The following FBXW11 variants were observed in gnomAD, a reference collection of about 807,000 sequenced individuals.
FBXW11 encodes F-box/WD repeat-containing protein 11.
FBXW11 carries 19 observed loss-of-function variants against 77.6 expected under a neutral mutation model. That is an observed-to-expected ratio of 0.24 (90% CI 0.17 to 0.36). The LOEUF (loss-of-function observed/expected upper bound fraction) is 0.36. Ranked by LOEUF, FBXW11 falls within the 10% of genes least tolerant of loss-of-function variation. FBXW11 has a pLI of 1.00. For synonymous variants in FBXW11, 235 were observed against 249.4 expected (o/e 0.94, Z 0.54); for missense variants, 334 against 704.2 (o/e 0.47, Z 5.95).
chr5:171,919,181 T>C (rs1335377751), intron 2 of FBXW11, among the ~76,000 whole-genome samples: 2 of 152,150 alleles, frequency 1.3e-5, no homozygotes, highest in South Asian at 2.1e-4. Flanking sequence ...TAGAGGTCCA[T>C]GGACTTGGGG....
intron 1 of FBXW11, among the ~76,000 whole-genome samples, chr5:171,972,737 GT>G (rs1687096874): frequency 6.6e-6 from 1 of 152,030 alleles, no homozygotes; most frequent in African/African-American, 2.4e-5. Flanking sequence ...TAGAGATGGG[GT>G]TTCCCCATGT....
intron 4 of FBXW11, among the ~76,000 whole-genome samples, chr5:171,909,929 A>G (rs892608643): frequency 6.6e-6 from 1 of 152,212 alleles, no homozygotes; most frequent in Non-Finnish European, 1.5e-5. Context: ...GTTTGAAGGG[A>G]AAAGAGTACC....
intron 4 of FBXW11, among the ~76,000 whole-genome samples, chr5:171,907,885 C>CGG (rs1760631572): frequency 6.6e-6 from 1 of 152,206 alleles, no homozygotes; most frequent in Admixed American, 6.5e-5. Context: ...GAACTATACT[C>CGG]TGAAAAATCA....
intron 2 of FBXW11, among the ~76,000 whole-genome samples, chr5:171,923,839 C>T (rs553391673): frequency 3.4e-5 from 5 of 148,898 alleles, no homozygotes; most frequent in Non-Finnish European, 5.9e-5. Context: ...ATAACACATA[C>T]ACACGTGATA....
chr5:171,918,030 G>C (rs1761365347), intron 2 of FBXW11, among the ~76,000 whole-genome samples: 1 of 151,874 alleles, frequency 6.6e-6, no homozygotes, highest in East Asian at 1.9e-4. Context: ...TAGAGCAACA[G>C]CCTGGCGTAA....
At chr5:171,925,664 T>C (rs1172148091) in intron 2 of FBXW11, among the ~76,000 whole-genome samples, 3 of 152,156 alleles carry the variant, frequency 2.0e-5, no homozygotes, top group Non-Finnish European at 2.9e-5. Flanking sequence ...TATTTTTCTT[T>C]TATGGAGACA....
intron 6 of FBXW11, 111 bp from the exon 7 acceptor site, chr5:171,891,715 G>T: frequency 9.7e-7 from 1 of 1,026,962 alleles, no homozygotes; most frequent in South Asian, 1.9e-5. Flanking sequence ...CCCCAATCTT[G>T]GTTTGCATAA....
intron 2 of FBXW11, among the ~76,000 whole-genome samples, chr5:171,932,031 T>C (rs1029443898): frequency 1.3e-5 from 2 of 151,844 alleles, no homozygotes; most frequent in Non-Finnish European, 2.9e-5. Flanking sequence ...TACACCACCA[T>C]ACGTGGCTAA....
intron 1 of FBXW11, among the ~76,000 whole-genome samples, chr5:171,966,843 G>A (rs1764218112): frequency 6.6e-6 from 1 of 152,086 alleles, no homozygotes; most frequent in African/African-American, 2.4e-5. Context: ...TTGGGAGGGG[G>A]TACAAAGTGA....
intron 2 of FBXW11, among the ~76,000 whole-genome samples, chr5:171,921,388 T>C (rs972765416): frequency 6.6e-6 from 1 of 152,202 alleles, no homozygotes; most frequent in Admixed American, 6.5e-5. Context: ...TAATTAACAG[T>C]TAAGAGTCAC....
intron 3 of FBXW11, among the ~76,000 whole-genome samples, chr5:171,911,474 C>G (rs1429708687): frequency 6.6e-6 from 1 of 152,202 alleles, no homozygotes; most frequent in Non-Finnish European, 1.5e-5. Flanking sequence ...CAAAGATAAG[C>G]TGTGTTGTGT....
chr5:171,989,022 T>C (rs988727735), intron 1 of FBXW11, among the ~76,000 whole-genome samples: 16 of 151,176 alleles, frequency 1.1e-4, no homozygotes, highest in African/African-American at 3.9e-4. Flanking sequence ...ACTAAAAATA[T>C]GAAAATTAGC....
chr5:171,896,875 G>A (rs950169657), intron 6 of FBXW11, among the ~76,000 whole-genome samples: 1 of 152,138 alleles, frequency 6.6e-6, no homozygotes, highest in East Asian at 1.9e-4. Context: ...CCAAGCCCGT[G>A]AGAGGCTCTC....
chr5:171,930,762 T>TAAAAAAAAAAAAAAAAAAAAA (rs59700625), intron 2 of FBXW11, among the ~76,000 whole-genome samples: 1 of 126,528 alleles, frequency 7.9e-6, no homozygotes, highest in Non-Finnish European at 1.7e-5. Context: ...AATAAAAAAA[T>TAAAAAAAAAAAAAAAAAAAAA]AAAAAAAAAA....
chr5:171,887,375 T>C (rs1399427865), intron 7 of FBXW11, among the ~76,000 whole-genome samples: 1 of 151,982 alleles, frequency 6.6e-6, no homozygotes, highest in East Asian at 1.9e-4. Flanking sequence ...ACTATTTCAC[T>C]TTTTAAAAAA....
chr5:171,964,823 C>G (rs1279043675), intron 1 of FBXW11, among the ~76,000 whole-genome samples: 1 of 152,168 alleles, frequency 6.6e-6, no homozygotes, highest in Non-Finnish European at 1.5e-5. Context: ...GCCCATTACC[C>G]TAATGTGCAA....
intron 2 of FBXW11, among the ~76,000 whole-genome samples, chr5:171,924,173 C>T (rs748554208): frequency 5.3e-5 from 8 of 151,904 alleles, no homozygotes; most frequent in Admixed American, 1.3e-4. Context: ...CCACCCACAT[C>T]GGCCTCCCAA....
intron 7 of FBXW11, among the ~76,000 whole-genome samples, chr5:171,886,579 T>A (rs1012052711): frequency 2.7e-5 from 4 of 150,464 alleles, no homozygotes; most frequent in East Asian, 1.9e-4. Flanking sequence ...TAATAAAAAA[T>A]AAATAAATAA....
At chr5:171,959,442 T>A (rs937225536) in intron 1 of FBXW11, among the ~76,000 whole-genome samples, 3 of 152,114 alleles carry the variant, frequency 2.0e-5, no homozygotes, top group Admixed American at 1.3e-4. Flanking sequence ...CATTTTATGA[T>A]GAGGAAACTG....
Sources: gnomAD v4.1 joint callset for allele counts (sites outside exome capture counted in the v4.1 genomes callset) on GRCh38, gnomAD v4.1.1 for gene constraint, MANE v1.5 for transcripts, NCBI Gene and HGNC (gene_info 2026-07-23, HGNC 2026-07-21) for gene names.